Variants in PKIG observed in about 807,000 individuals in gnomAD.
PKIG encodes the protein cAMP-dependent protein kinase inhibitor gamma.
In PKIG, 1 loss-of-function variant was observed where a neutral mutation model predicts 6.8. The ratio of observed to expected loss-of-function variants is 0.15; its 90% CI spans 0.05 to 0.69. PKIG has a LOEUF of 0.69. PKIG is among the 30% of genes least tolerant of loss of function. The probability of loss-of-function intolerance (pLI) is 0.82; values close to 1 mark genes in which losing one functional copy is unlikely to be tolerated. For synonymous variants in PKIG, 39 were observed against 43.0 expected, an observed-to-expected ratio of 0.91 and a Z score of 0.36; for missense variants, 77 against 104.0, an observed-to-expected ratio of 0.74 and a Z score of 1.13.
At position 44,558,564 on chromosome 20, in the gene PKIG, TTTTTTTC is replaced by T. The variant is rs1374426517; in HGVS notation, c.-240-24010_-240-24004del. The stretch of plus-strand genomic sequence containing the variant: ...CCAACCTCACATTTCTTTTTCTTTC[TTTTTTTC>T]TTTTTTCTTTCTTTCTTTCTTTCTT... On this transcript the variant is annotated intron_variant, in intron 1 of 4. Coordinates refer to the PKIG transcript ENST00000372887. Among the ~76,000 whole-genome samples the T allele has an allele frequency of 4.2e-5, 6 of 141,586 alleles. No individual in the cohort carries two copies. The South Asian group carries it at 9.3e-4, about 22-fold the overall frequency. 92.9% of individuals were successfully genotyped at this position (141,586 alleles called of 152,430 possible). A position where few individuals can be genotyped will look rare whatever the true frequency, so the allele number is the denominator to read the frequency against.
intron 1 of PKIG, among the ~76,000 whole-genome samples, chr20:44,537,061 C>T (rs2064518868): frequency 6.6e-6 from 1 of 152,136 alleles, no homozygotes; most frequent in Non-Finnish European, 1.5e-5. Flanking sequence ...TCCCAAGTAG[C>T]TGGGATTACA....
intron 1 of PKIG, among the ~76,000 whole-genome samples, chr20:44,536,952 C>T (rs781567218): frequency 2.6e-5 from 4 of 152,076 alleles, no homozygotes; most frequent in Non-Finnish European, 5.9e-5. Context: ...TTTTTTGAGA[C>T]GGAGTCTCGC....
At chr20:44,613,000 G>A (rs956942423) in intron 2 of PKIG, among the ~76,000 whole-genome samples, 6 of 152,076 alleles carry the variant, frequency 3.9e-5, no homozygotes, top group African/African-American at 1.2e-4. Context: ...GTTCTAAAGC[G>A]TCCCAAAGAG....
At chr20:44,554,527 G>T (rs1568808202) in intron 1 of PKIG, among the ~76,000 whole-genome samples, 1 of 152,142 alleles carries the variant, frequency 6.6e-6, no homozygotes, top group Non-Finnish European at 1.5e-5. Context: ...TTTGAGCAGG[G>T]TCCAGACTTG....
chr20:44,561,090 C>T (rs1329037016), intron 1 of PKIG, among the ~76,000 whole-genome samples: 1 of 152,224 alleles, frequency 6.6e-6, no homozygotes, highest in Non-Finnish European at 1.5e-5. Flanking sequence ...GTAATCCCAG[C>T]CCTTTGGGAG....
chr20:44,576,367 GAA>G lies in PKIG; in HGVS notation c.-240-6217_-240-6216del, dbSNP rs1381243867. On this transcript the variant is annotated intron_variant, in intron 1 of 4. Coordinates refer to the PKIG transcript ENST00000372887. ...CTTATAAATATGTTAAGGGTTATAA[GAA>G]GAGACATAGGAGTACCATGAGACCA... Among the ~76,000 whole-genome samples, 4 of 152,084 alleles carry G rather than the reference GAA, an allele frequency of 2.6e-5. No individual in the cohort carries two copies. The South Asian group carries it at 6.2e-4, about 24-fold the overall frequency.
chr20:44,562,416 G>A (rs1041096532), intron 1 of PKIG, among the ~76,000 whole-genome samples: 8 of 151,936 alleles, frequency 5.3e-5, no homozygotes, highest in African/African-American at 1.9e-4. Context: ...TTTGAGACCA[G>A]CCTGGGCAAC....
intron 1 of PKIG, chr20:44,584,982 GCCATGGACCCAC>G (rs2064978253): frequency 6.6e-6 from 1 of 152,232 alleles, no homozygotes; most frequent in Non-Finnish European, 1.5e-5. Context: ...GACTGTTGCT[GCCATGGACCCAC>G]CCATGGGCAT....
At chr20:44,595,378 A>G (rs914510356) in intron 2 of PKIG, among the ~76,000 whole-genome samples, 2 of 152,256 alleles carry the variant, frequency 1.3e-5, no homozygotes, top group Admixed American at 6.5e-5. Flanking sequence ...CAGATGCCAG[A>G]ATCTTGAGAG....
chr20:44,614,434 T>C lies in PKIG; in HGVS notation c.-23-100T>C, dbSNP rs2065245495. 1.2e-6 allele frequency: 1 copy of C among 812,210 alleles called. No individual in the cohort carries two copies. The highest frequency in any genetic ancestry group is 1.7e-5 in the South Asian group (1 of 57,250). 50.3% of individuals were successfully genotyped at this position (812,210 alleles called of 1,614,324 possible). A position where few individuals can be genotyped will look rare whatever the true frequency, so the allele number is the denominator to read the frequency against. On this transcript the variant is annotated intron_variant, in intron 2 of 3. Transcript: ENST00000372886. This position sits in a 1 kb window ranked among gnomAD's most constrained non-coding sequence, Gnocchi z 4.6. ...TTTGTTTTCAATAAGAGGCAATAAC[T>C]GTCATTTTGACAGAAGCCACTGTGC...
At chr20:44,586,467 G>A (rs1258884771) in intron 1 of PKIG, among the ~76,000 whole-genome samples, 2 of 152,190 alleles carry the variant, frequency 1.3e-5, no homozygotes, top group Non-Finnish European at 2.9e-5. Flanking sequence ...CTGTCACCCA[G>A]TCAAGTGATG....
chr20:44,606,379 T>C (rs1189542482), intron 2 of PKIG, among the ~76,000 whole-genome samples: 3 of 152,242 alleles, frequency 2.0e-5, no homozygotes, highest in Non-Finnish European at 2.9e-5. Flanking sequence ...TCATCTGATA[T>C]ACCTACTGGG....
intron 1 of PKIG, among the ~76,000 whole-genome samples, chr20:44,538,256 C>A (rs922225533): frequency 1.3e-5 from 2 of 152,198 alleles, no homozygotes; most frequent in Non-Finnish European, 2.9e-5. Context: ...AGCTGGATTT[C>A]CAAAAGATGT....
intron 1 of PKIG, among the ~76,000 whole-genome samples, chr20:44,576,643 A>T (rs2064900599): frequency 6.6e-6 from 1 of 152,142 alleles, no homozygotes; most frequent in Admixed American, 6.6e-5. Flanking sequence ...CCTTCTCTGG[A>T]TCTGGCATTC....
At chr20:44,556,304 A>C (rs1291870339) in intron 1 of PKIG, among the ~76,000 whole-genome samples, 1 of 152,244 alleles carries the variant, frequency 6.6e-6, no homozygotes, top group Admixed American at 6.5e-5. Context: ...TGTTACAACC[A>C]AAACTTAATT....
chr20:44,545,380 G>A (rs1371700613), intron 1 of PKIG, among the ~76,000 whole-genome samples: 1 of 152,068 alleles, frequency 6.6e-6, no homozygotes, highest in Non-Finnish European at 1.5e-5. Flanking sequence ...CCAATGAAAT[G>A]TAAAGGGAAA....
intron 1 of PKIG, among the ~76,000 whole-genome samples, chr20:44,571,177 T>C (rs1037543114): frequency 3.3e-5 from 5 of 152,076 alleles, no homozygotes; most frequent in African/African-American, 1.2e-4. Flanking sequence ...GAGGTTGCAG[T>C]GAGCTGAGAT....
intron 1 of PKIG, among the ~76,000 whole-genome samples, chr20:44,545,137 T>C (rs1055059739): frequency 6.6e-6 from 1 of 152,088 alleles, no homozygotes; most frequent in Admixed American, 6.6e-5. Context: ...GGTTTTGCCA[T>C]GTTGGCCAGG....
At chr20:44,566,460 A>G (rs905545894) in intron 1 of PKIG, among the ~76,000 whole-genome samples, 1 of 152,270 alleles carries the variant, frequency 6.6e-6, no homozygotes, top group African/African-American at 2.4e-5. Flanking sequence ...CACAATTTAT[A>G]TTATGACTCA....
Sources: gnomAD v4.1 joint callset for allele counts (sites outside exome capture counted in the v4.1 genomes callset) on GRCh38, gnomAD v4.1.1 for gene constraint, Gnocchi (gnomAD v3.1) non-coding constraint, MANE v1.5 for transcripts, NCBI Gene and HGNC (gene_info 2026-07-23, HGNC 2026-07-21) for gene names.